KSR2: variants seen among roughly 807,000 people sequenced by gnomAD.
The protein encoded by KSR2 is kinase suppressor of ras 2.
A neutral mutation model predicts 107.8 loss-of-function variants in KSR2; 25 were observed. The observed-to-expected ratio is 0.23, with a 90% confidence interval of 0.17 to 0.32. The LOEUF (loss-of-function observed/expected upper bound fraction) is 0.32, where lower values mean the gene tolerates loss of function less well. Ranked by LOEUF, KSR2 falls within the 10% of genes least tolerant of loss-of-function variation. KSR2 has a pLI of 1.00. For synonymous variants in KSR2, 480 were observed against 507.0 expected (o/e 0.95, Z 0.71); for missense variants, 887 against 1,268.9 (o/e 0.70, Z 4.57).
intron 3 of KSR2, among the ~76,000 whole-genome samples, chr12:117,807,054 G>A (rs1891035954): frequency 1.3e-5 from 2 of 152,192 alleles, no homozygotes; most frequent in Non-Finnish European, 2.9e-5. Context: ...GTCAGCTGGA[G>A]CAGCTGTGAC....
chr12:117,503,481 T>G (rs1873502861), intron 14 of KSR2, among the ~76,000 whole-genome samples: 1 of 152,186 alleles, frequency 6.6e-6, no homozygotes, highest in African/African-American at 2.4e-5. Flanking sequence ...CCACTTTCTT[T>G]TCTTGTGCCA....
intron 5 of KSR2, among the ~76,000 whole-genome samples, chr12:117,602,333 A>AACTATCT (rs1416269157): frequency 1.3e-5 from 2 of 152,188 alleles, no homozygotes; most frequent in Non-Finnish European, 2.9e-5. Context: ...TATAGTTCCA[A>AACTATCT]ACTATCTCAT....
At chr12:117,740,389 TATATA>T (rs903922614) in intron 4 of KSR2, among the ~76,000 whole-genome samples, 21 of 139,880 alleles carry the variant, frequency 1.5e-4, no homozygotes, top group Middle Eastern at 3.6e-3. Context: ...ATATATACCA[TATATA>T]ATATATGTAC....
chr12:117,895,166 C>G (rs34166415), intron 1 of KSR2, among the ~76,000 whole-genome samples: 7,042 of 152,122 alleles, frequency 0.046, 239 homozygotes, highest in Middle Eastern at 0.095. Flanking sequence ...GAGCCCAGGA[C>G]TTTGAGGCTG....
chr12:117,539,748 G>A lies in KSR2; in HGVS notation c.1658C>T (p.Thr553Ile). The A allele has an allele frequency of 1.9e-6, 3 of 1,606,766 alleles. No homozygotes were observed. The highest frequency in any genetic ancestry group is 2.5e-6 in the Non-Finnish European group (3 of 1,177,296). ...PSPLHPSPQC[T>I]RQQKNFNLPA... ...CAGGTTGAAGTTCTTCTGCTGCCGT[G>A]TGCACTGTGGGGAAGGGTGTAGGGG... The change falls in exon 10 of 20, where the codon ACA (threonine) becomes ATA (isoleucine). Residue 553 changes from threonine to isoleucine, a missense_variant. Thr to Ile is a moderately conservative substitution (Grantham distance 89, BLOSUM62 -1). Transcript: ENST00000339824.
chr12:117,616,591 A>C (rs1881902713), intron 5 of KSR2, among the ~76,000 whole-genome samples: 1 of 152,198 alleles, frequency 6.6e-6, no homozygotes. Context: ...AGGTCATATA[A>C]AGACCTGTGC....
intron 1 of KSR2, among the ~76,000 whole-genome samples, chr12:117,906,161 G>A (rs1036098164): frequency 3.9e-5 from 6 of 151,934 alleles, no homozygotes; most frequent in Admixed American, 1.3e-4. Context: ...GCCCAGCCTG[G>A]CTGACATGGC....
rs10651702 is a variant in KSR2 at position 117,968,305 on chromosome 12, A to AGGG, written c.-51_-50insCCC. 0.031 allele frequency: 33,728 copies of AGGG among 1,104,546 alleles called. 1,443 individuals carry two copies. Among genetic ancestry groups the AGGG allele is most frequent in the South Asian group, 0.048 (2,508 of 52,240 alleles). The allele number at this position is 1,104,546 out of a possible 1,614,324, so 68.4% of individuals were successfully genotyped here. On this transcript the variant is annotated 5_prime_UTR_variant, in exon 1 of 20. Coordinates refer to ENST00000339824, the MANE Select transcript of KSR2 (RefSeq NM_173598.6). ...CTCCTCCTCCTCCCAGAGAGAAAAA[A>AGGG]GAGGGGGGGGAGTAGAGGTAGTCTA...
At chr12:117,719,526 A>G (rs1887126277) in intron 4 of KSR2, among the ~76,000 whole-genome samples, 1 of 152,272 alleles carries the variant, frequency 6.6e-6, no homozygotes, top group East Asian at 1.9e-4. Context: ...CAATGTGGCA[A>G]CAGTCAGCTA....
intron 5 of KSR2, among the ~76,000 whole-genome samples, chr12:117,644,515 A>G (rs1883528376): frequency 1.3e-5 from 2 of 152,140 alleles, no homozygotes; most frequent in African/African-American, 2.4e-5. Context: ...CCTGGACCCT[A>G]TCCTCCAGGG....
At chr12:117,733,738 T>TC (rs1331899489) in intron 4 of KSR2, among the ~76,000 whole-genome samples, 1 of 152,096 alleles carries the variant, frequency 6.6e-6, no homozygotes, top group Non-Finnish European at 1.5e-5. Flanking sequence ...CCCAGCCCTT[T>TC]CCCCTCTGAA....
intron 4 of KSR2, among the ~76,000 whole-genome samples, chr12:117,669,758 C>T (rs922350785): frequency 2.0e-5 from 3 of 152,010 alleles, no homozygotes; most frequent in Admixed American, 6.6e-5. Context: ...GTCCCAGCTA[C>T]TCAGGAGGCT....
chr12:117,618,014 G>A (rs1266918464), intron 5 of KSR2, among the ~76,000 whole-genome samples: 4 of 152,012 alleles, frequency 2.6e-5, no homozygotes, highest in Non-Finnish European at 5.9e-5. Flanking sequence ...TTTGCTCCTG[G>A]TTTTCAGTCA....
At chr12:117,896,494 T>G (rs1894516518) in intron 1 of KSR2, among the ~76,000 whole-genome samples, 2 of 150,538 alleles carry the variant, frequency 1.3e-5, no homozygotes, top group African/African-American at 2.5e-5. Flanking sequence ...AGTTTTGCTA[T>G]TGTTGCCCAG....
chr12:117,736,616 C>G (rs567492086), intron 4 of KSR2, among the ~76,000 whole-genome samples: 29 of 152,198 alleles, frequency 1.9e-4, no homozygotes, highest in African/African-American at 6.5e-4. Context: ...TCGAGTCCAG[C>G]CTGGGCAACG....
intron 1 of KSR2, among the ~76,000 whole-genome samples, chr12:117,879,648 T>C (rs961096625): frequency 6.6e-6 from 1 of 152,086 alleles, no homozygotes; most frequent in African/African-American, 2.4e-5. Flanking sequence ...GCCCAGGAGG[T>C]GGAGGCTGCA....
At position 117,462,806 on chromosome 12, in the gene KSR2, A is replaced by C. The variant is rs905067961; in HGVS notation, c.*4393T>G. On this transcript the variant is annotated 3_prime_UTR_variant, in exon 20 of 20. Transcript: ENST00000339824. ...CATATTTCGGGACTCAAGATTGAGA[A>C]CCAGTGTGGGGAAAGAAAGCCGGGG... 6.6e-6 allele frequency: 1 copy of C among 152,258 alleles called. No individual in the cohort carries two copies. Among genetic ancestry groups the C allele is most frequent in the Non-Finnish European group, 1.5e-5 (1 of 68,094 alleles). The allele number at this position is 152,258 out of a possible 1,614,324, so 9.4% of individuals were successfully genotyped here.
chr12:117,503,500 C>G (rs1279956966), intron 14 of KSR2, among the ~76,000 whole-genome samples: 1 of 152,168 alleles, frequency 6.6e-6, no homozygotes, highest in East Asian at 1.9e-4. Flanking sequence ...CACCCACGAC[C>G]AAGGAGGCTC....
chr12:117,562,528 C>T (rs1878194395), intron 7 of KSR2, among the ~76,000 whole-genome samples: 1 of 151,954 alleles, frequency 6.6e-6, no homozygotes, highest in East Asian at 1.9e-4. Context: ...CTCTAATAAA[C>T]CCAGCTGGAA....
Sources: allele counts gnomAD v4.1 joint callset (sites outside exome capture counted in the v4.1 genomes callset), GRCh38; gene constraint gnomAD v4.1.1; transcripts MANE v1.5; gene names NCBI Gene and HGNC (gene_info 2026-07-23, HGNC 2026-07-21).